The following CDH12 variants were observed in gnomAD, a reference collection of about 807,000 sequenced individuals.
CDH12 encodes the protein cadherin-12.
CDH12 carries 41 observed loss-of-function variants against 74.1 expected under a neutral mutation model. The observed-to-expected ratio is 0.55, with a 90% CI of 0.43 to 0.72. The LOEUF (loss-of-function observed/expected upper bound fraction) is 0.72. CDH12 is among the 30% of genes least tolerant of loss of function. The probability of loss-of-function intolerance (pLI) is 0.00; values close to 1 mark genes in which losing one functional copy is unlikely to be tolerated. For missense variants in CDH12, 945 were observed against 977.2 expected (o/e 0.97, Z 0.44); for synonymous variants, 399 against 355.0 (o/e 1.12, Z -1.39).
chr5:22,216,925 A>G lies in CDH12; in HGVS notation c.-332-4282T>C, dbSNP rs1275056316. Among the ~76,000 whole-genome samples, 7 of 151,990 alleles carry G rather than the reference A, an allele frequency of 4.6e-5. No homozygotes were observed. The East Asian group carries it at 7.7e-4, about 17-fold the overall frequency. On this transcript the variant is annotated intron_variant, in intron 3 of 14. Coordinates refer to ENST00000382254, the MANE Select transcript of CDH12 (RefSeq NM_004061.5). ...GAGGAAATTAAACTATATTATCTCT[A>G]GGATTTCAGTCAGTTATGAAAATGC...
intron 1 of CDH12, among the ~76,000 whole-genome samples, chr5:22,610,482 A>G (rs1737342123): frequency 1.3e-5 from 2 of 152,102 alleles, no homozygotes; most frequent in South Asian, 4.1e-4. Flanking sequence ...CAGTTTTTAT[A>G]TTACTTCCAT....
chr5:22,762,976 A>G (rs559169903), intron 1 of CDH12, among the ~76,000 whole-genome samples: 1 of 151,756 alleles, frequency 6.6e-6, no homozygotes, highest in Admixed American at 6.6e-5. Context: ...AATCCTGAAC[A>G]CTGAAAATTA....
At chr5:22,152,491 A>G (rs1747661186) in intron 4 of CDH12, 1 of 152,150 alleles carries the variant, frequency 6.6e-6, no homozygotes, top group South Asian at 2.1e-4. Context: ...ACATGTGTTC[A>G]ATTGTTAAAA....
At chr5:21,833,211 TA>T (rs1749248397) in intron 8 of CDH12, among the ~76,000 whole-genome samples, 1 of 41,748 alleles carries the variant, frequency 2.4e-5, no homozygotes, top group Non-Finnish European at 3.3e-5. Flanking sequence ...TATATTATAA[TA>T]TATATTATAT....
intron 8 of CDH12, among the ~76,000 whole-genome samples, chr5:21,827,389 T>C (rs1022441028): frequency 1.3e-5 from 2 of 151,852 alleles, no homozygotes; most frequent in East Asian, 3.9e-4. Flanking sequence ...CATGAAAACC[T>C]TTAAAAAAAA....
intron 3 of CDH12, among the ~76,000 whole-genome samples, chr5:22,340,485 C>G (rs1319777301): frequency 6.7e-6 from 1 of 149,402 alleles, no homozygotes; most frequent in East Asian, 2.0e-4. Flanking sequence ...GAGATCGCAC[C>G]ACTGCACTCC....
intron 2 of CDH12, among the ~76,000 whole-genome samples, chr5:22,492,009 T>G (rs981873485): frequency 2.0e-5 from 3 of 152,190 alleles, no homozygotes; most frequent in African/African-American, 4.8e-5. Flanking sequence ...TTACTTCTTT[T>G]AAATATCTTA....
chr5:22,011,690 AATTTT>A (rs1462525011), intron 5 of CDH12, among the ~76,000 whole-genome samples: 1 of 152,126 alleles, frequency 6.6e-6, no homozygotes, highest in African/African-American at 2.4e-5. Flanking sequence ...TCATCTAATT[AATTTT>A]ATTTTATTTC....
intron 6 of CDH12, chr5:21,883,608 C>T (rs1433604117): frequency 6.8e-6 from 11 of 1,606,754 alleles, no homozygotes; most frequent in African/African-American, 1.3e-5. Context: ...TGTTCAGCCT[C>T]ATGACTTAGG....
At chr5:22,189,660 T>G (rs1434862267) in intron 4 of CDH12, among the ~76,000 whole-genome samples, 1 of 152,200 alleles carries the variant, frequency 6.6e-6, no homozygotes, top group Non-Finnish European at 1.5e-5. Context: ...AAACATTTAT[T>G]TGTTAAAAAT....
chr5:21,763,372 T>C (rs1184298527), intron 12 of CDH12, among the ~76,000 whole-genome samples: 1 of 152,176 alleles, frequency 6.6e-6, no homozygotes, highest in Non-Finnish European at 1.5e-5. Flanking sequence ...TTTTAATAGC[T>C]ATACAACTAG....
chr5:22,732,919 C>T (rs1744507082), intron 1 of CDH12, among the ~76,000 whole-genome samples: 1 of 151,782 alleles, frequency 6.6e-6, no homozygotes, highest in Admixed American at 6.6e-5. Flanking sequence ...AACTAATATA[C>T]CCACTTTTAG....
At chr5:21,872,059 T>G (rs1751652577) in intron 6 of CDH12, among the ~76,000 whole-genome samples, 1 of 152,170 alleles carries the variant, frequency 6.6e-6, no homozygotes, top group Non-Finnish European at 1.5e-5. Flanking sequence ...AGAAAAGACA[T>G]GTCATAAAAA....
At chr5:22,852,925 ATC>A (rs1355829101) in intron 1 of CDH12, 131 bp downstream of exon 1, 2 of 152,184 alleles carry the variant, frequency 1.3e-5, no homozygotes, top group Non-Finnish European at 2.9e-5. Flanking sequence ...CAGCTGCCAG[ATC>A]TGTGTGCAGC....
chr5:22,076,506 G>C (rs1742323414), intron 5 of CDH12, among the ~76,000 whole-genome samples: 1 of 152,056 alleles, frequency 6.6e-6, no homozygotes. Flanking sequence ...ATGATGTCTA[G>C]CTTCTGTCAT....
At chr5:21,822,033 C>T (rs538605692) in intron 8 of CDH12, among the ~76,000 whole-genome samples, 2 of 151,938 alleles carry the variant, frequency 1.3e-5, no homozygotes, top group African/African-American at 4.8e-5. Flanking sequence ...AATTGTGTAC[C>T]TGTAGCTCTG....
intron 1 of CDH12, among the ~76,000 whole-genome samples, chr5:22,581,511 G>A (rs1439132228): frequency 6.6e-6 from 1 of 152,222 alleles, no homozygotes; most frequent in African/African-American, 2.4e-5. Context: ...TGACTTTTCT[G>A]CACTGGCAGG....
chr5:22,654,859 G>A (rs981355565), intron 1 of CDH12, among the ~76,000 whole-genome samples: 1 of 147,636 alleles, frequency 6.8e-6, no homozygotes, highest in Non-Finnish European at 1.5e-5. Context: ...TCGAACTCCC[G>A]ACCTCAGGTG....
At chr5:22,759,450 C>G (rs554340246) in intron 1 of CDH12, among the ~76,000 whole-genome samples, 34 of 152,068 alleles carry the variant, frequency 2.2e-4, no homozygotes, top group Non-Finnish European at 4.4e-4. Context: ...GAAATACTTG[C>G]TTCTTGAAGA....
Sources: gnomAD v4.1 joint callset for allele counts (sites outside exome capture counted in the v4.1 genomes callset) on GRCh38, gnomAD v4.1.1 for gene constraint, MANE v1.5 for transcripts, NCBI Gene and HGNC (gene_info 2026-07-23, HGNC 2026-07-21) for gene names.